Variants in CLEC20A observed in about 807,000 individuals in gnomAD.
The protein encoded by CLEC20A is C-type lectin domain containing 20A.
At position 178,481,270 on chromosome 1, in the gene CLEC20A, A is replaced by C. The variant is rs1648977973; in HGVS notation, c.1122+1042T>G. On this transcript the variant is annotated intron_variant, in intron 7 of 7. Transcript: ENST00000623247. ...TAAAATTTATAGTAAACACATATAC[A>C]TTATATACTCACACACACATATTAC... The C allele has an allele frequency of 4.6e-5, 7 of 152,248 alleles. No individual in the cohort carries two copies. The South Asian group carries it at 1.4e-3, about 31-fold the overall frequency. 9.4% of individuals were successfully genotyped at this position (152,248 alleles called of 1,614,324 possible).
At chr1:178,486,695 C>T (rs1035531846) in intron 5 of CLEC20A, 10 of 398,482 alleles carry the variant, frequency 2.5e-5, no homozygotes, top group Admixed American at 4.4e-5. Flanking sequence ...GGGCTCGAAG[C>T]GGAGGCCAGA....
chr1:178,493,158 C>A (rs1289591657), intron 2 of CLEC20A, among the ~76,000 whole-genome samples: 2 of 152,128 alleles, frequency 1.3e-5, no homozygotes, highest in African/African-American at 2.4e-5. Flanking sequence ...AGGTCAGGAC[C>A]CATCTTGGTG....
exon 6 of CLEC20A, chr1:178,483,269 T>C (rs577754634): frequency 5.0e-6 from 2 of 398,642 alleles, no homozygotes; most frequent in South Asian, 1.3e-4. Flanking sequence ...TGCCACTCCC[T>C]ACACTGGCCA....
At chr1:178,491,236 C>A (rs992218264) in intron 3 of CLEC20A, among the ~76,000 whole-genome samples, 3 of 152,180 alleles carry the variant, frequency 2.0e-5, no homozygotes, top group South Asian at 2.1e-4. Flanking sequence ...AGATTCCAGA[C>A]AATGGAAGAT....
chr1:178,494,449 C>A lies in CLEC20A; in HGVS notation c.397+5G>T. 1 of 400,346 alleles carries A rather than the reference C, an allele frequency of 2.5e-6. No individual in the cohort carries two copies. 24.8% of individuals were successfully genotyped at this position (400,346 alleles called of 1,614,324 possible). A position where few individuals can be genotyped will look rare whatever the true frequency, so the allele number is the denominator to read the frequency against. The stretch of plus-strand genomic sequence containing the variant: ...ACCAAGCCTGAAATATGAATGTGAA[C>A]ACACCACAGTAGCAGAGGAAGGGCT... On this transcript the variant is annotated splice_donor_5th_base_variant and intron_variant, in intron 2 of 7. Transcript: ENST00000623247.
chr1:178,482,513 CAAG>C (rs1649016489), intron 6 of CLEC20A, 116 bp from the exon 7 acceptor site: 3 of 396,604 alleles, frequency 7.6e-6, no homozygotes, highest in Non-Finnish European at 1.3e-5. Context: ...TTTGGGATTT[CAAG>C]AAGAAGAAAG....
chr1:178,486,770 G>A (rs1362329851), intron 5 of CLEC20A: 6 of 398,602 alleles, frequency 1.5e-5, no homozygotes, highest in Non-Finnish European at 2.7e-5. Context: ...GGGCTGGAGG[G>A]CTGGGACGCC....
At chr1:178,491,478 A>G (rs1309016075) in intron 3 of CLEC20A, among the ~76,000 whole-genome samples, 2 of 152,132 alleles carry the variant, frequency 1.3e-5, no homozygotes, top group Non-Finnish European at 2.9e-5. Flanking sequence ...AACCCCTAGT[A>G]TGTGCCAGCC....
chr1:178,485,739 G>A (rs533906199), intron 5 of CLEC20A, among the ~76,000 whole-genome samples: 8 of 152,212 alleles, frequency 5.3e-5, no homozygotes, highest in African/African-American at 1.9e-4. Flanking sequence ...GGAAATTATC[G>A]TCCAATTAAA....
chr1:178,481,559 A>G (rs1333369737), intron 7 of CLEC20A: 3 of 152,236 alleles, frequency 2.0e-5, no homozygotes, highest in Admixed American at 6.5e-5. Context: ...TTTAGGAACA[A>G]TTCTTCCTCC....
exon 2 of CLEC20A, chr1:178,494,655 G>C (rs1268292957): frequency 5.0e-6 from 2 of 399,390 alleles, no homozygotes; most frequent in Non-Finnish European, 8.8e-6. Flanking sequence ...ATCCAAGCCG[G>C]GGTGCTGGTC....
intron 5 of CLEC20A, chr1:178,486,288 C>G: frequency 2.5e-6 from 1 of 397,592 alleles, no homozygotes; most frequent in East Asian, 3.6e-5. Flanking sequence ...AACGCGCCCA[C>G]ACCACACCCC....
At chr1:178,493,308 G>T (rs1649307838) in intron 2 of CLEC20A, among the ~76,000 whole-genome samples, 1 of 152,210 alleles carries the variant, frequency 6.6e-6, no homozygotes, top group African/African-American at 2.4e-5. Context: ...AATCTAGGCA[G>T]CCACCACCTG....
intron 2 of CLEC20A, among the ~76,000 whole-genome samples, chr1:178,494,086 T>G (rs1649331942): frequency 6.6e-6 from 1 of 152,140 alleles, no homozygotes; most frequent in Non-Finnish European, 1.5e-5. Flanking sequence ...CCCTGCCCCG[T>G]CATTTGCTAT....
At chr1:178,486,900 C>T in intron 5 of CLEC20A, 1 of 398,124 alleles carries the variant, frequency 2.5e-6, no homozygotes, top group Non-Finnish European at 4.4e-6. Context: ...GTGTTACCGC[C>T]CCTTGGGGCT....
intron 7 of CLEC20A, chr1:178,480,554 AGGT>A (rs1325615007): frequency 3.9e-5 from 6 of 152,302 alleles, no homozygotes; most frequent in African/African-American, 1.4e-4. Context: ...AGGCCAAGGC[AGGT>A]GGATCACAAG....
At chr1:178,485,287 C>CT (rs1649104765) in intron 5 of CLEC20A, among the ~76,000 whole-genome samples, 1 of 152,224 alleles carries the variant, frequency 6.6e-6, no homozygotes, top group Non-Finnish European at 1.5e-5. Flanking sequence ...CTGTAAACCT[C>CT]TGATGGCTCC....
At chr1:178,485,624 A>G (rs1649113649) in intron 5 of CLEC20A, among the ~76,000 whole-genome samples, 1 of 152,182 alleles carries the variant, frequency 6.6e-6, no homozygotes, top group Non-Finnish European at 1.5e-5. Flanking sequence ...AACCGTCCTG[A>G]CTGTCTCCGT....
In CLEC20A at chr1:178,485,649, C is replaced by G. The variant is rs1649114964; in HGVS notation, c.929-2367G>C. On this transcript the variant is annotated intron_variant, in intron 5 of 7. Transcript: ENST00000623247. Reference sequence around the variant, plus strand: ...ACTGTCTCCGTTAGTTCCTATGAGACCATGTGCTTCTAAAAACAGGAAACA... The same window carrying G: ...ACTGTCTCCGTTAGTTCCTATGAGAGCATGTGCTTCTAAAAACAGGAAACA... Among the ~76,000 whole-genome samples the G allele has an allele frequency of 2.0e-5, 3 of 152,184 alleles. 1 individual carries two copies. In the South Asian group the frequency reaches 6.2e-4, roughly 32 times the overall value.
Sources: allele counts gnomAD v4.1 joint callset (sites outside exome capture counted in the v4.1 genomes callset), GRCh38; gene constraint gnomAD v4.1.1; transcripts MANE v1.5; gene names NCBI Gene and HGNC (gene_info 2026-07-23, HGNC 2026-07-21).